PAK1: variants seen among roughly 807,000 people sequenced by gnomAD.
PAK1 encodes p21 (RAC1) activated kinase 1.
Under a neutral mutation model 67.4 loss-of-function variants are expected in PAK1, and 29 were observed. The ratio of observed to expected loss-of-function variants is 0.43; its 90% confidence interval spans 0.32 to 0.59. The LOEUF is 0.59. PAK1 is among the 20% of genes least tolerant of loss of function. The pLI is 0.07. For missense variants in PAK1, 337 were observed against 670.7 expected, an observed-to-expected ratio of 0.50 and a Z score of 5.50; for synonymous variants, 223 against 237.4, an observed-to-expected ratio of 0.94 and a Z score of 0.56.
intron 11 of PAK1, 86 bp downstream of exon 11, chr11:77,340,560 G>A: frequency 3.9e-6 from 3 of 765,852 alleles, no homozygotes; most frequent in South Asian, 1.4e-5. Flanking sequence ...CAGAGCCCAG[G>A]CTGAGATCTC....
At chr11:77,337,683 GTAAT>G (rs998161448) in intron 11 of PAK1, among the ~76,000 whole-genome samples, 1 of 152,022 alleles carries the variant, frequency 6.6e-6, no homozygotes, top group Non-Finnish European at 1.5e-5. Context: ...TTCCTCCAAT[GTAAT>G]TTTTTTTCTA....
Position 77,335,129 on chromosome 11 carries a change from T to C in PAK1, c.1413+957A>G, listed in dbSNP as rs189493231. Among the ~76,000 whole-genome samples, 14 of 152,336 alleles carry C rather than the reference T, an allele frequency of 9.2e-5. No individual in the cohort carries two copies. The East Asian group carries it at 2.7e-3, about 29-fold the overall frequency. On this transcript the variant is annotated intron_variant, in intron 13 of 14. Coordinates refer to ENST00000356341, the MANE Select transcript of PAK1 (RefSeq NM_002576.5). ...TAGAAAGGCCACTCCTTGGTCTACT[T>C]TGCTAGTTCTTCCAACCTGTAAACA...
Position 77,449,531 on chromosome 11 carries a change from G to A in PAK1, c.-22+24021C>T, listed in dbSNP as rs541660987. 2.6e-5 allele frequency among the ~76,000 whole-genome samples: 4 copies of A among 152,140 alleles called. No individual in the cohort carries two copies. The South Asian group carries it at 8.3e-4, about 32-fold the overall frequency. On this transcript the variant is annotated intron_variant, in intron 1 of 14. Coordinates refer to ENST00000356341, the MANE Select transcript of PAK1 (RefSeq NM_002576.5). ...CTTAACATAAAACGTTAGAGTTCAGGCAGACTCTTTTATCATCTCACTTTT... is the reference window on the plus strand; with the variant it reads ...CTTAACATAAAACGTTAGAGTTCAGACAGACTCTTTTATCATCTCACTTTT...
chr11:77,337,758 A>G (rs1271298797), intron 11 of PAK1, among the ~76,000 whole-genome samples: 1 of 152,164 alleles, frequency 6.6e-6, no homozygotes, highest in Non-Finnish European at 1.5e-5. Flanking sequence ...AATGGAAAGG[A>G]TCTTATAATG....
chr11:77,368,242 C>A (rs1947879356), intron 5 of PAK1, among the ~76,000 whole-genome samples: 1 of 152,156 alleles, frequency 6.6e-6, no homozygotes, highest in African/African-American at 2.4e-5. Flanking sequence ...AGATTGGTCA[C>A]ATACAGAGAA....
At chr11:77,374,398 A>G (rs746678844) in intron 4 of PAK1, 33 bp from the exon 5 acceptor site, 3 of 1,508,050 alleles carry the variant, frequency 2.0e-6, no homozygotes, top group East Asian at 2.3e-5. Flanking sequence ...GACTTAGTCA[A>G]TAACAGTTAC....
chr11:77,431,380 C>T (rs375501363), intron 1 of PAK1, among the ~76,000 whole-genome samples: 3 of 152,032 alleles, frequency 2.0e-5, no homozygotes, highest in East Asian at 1.9e-4. Context: ...TCTAAGGAAC[C>T]GAAGTATGAA....
At chr11:77,505,494 A>G in the PAK1 span, among the ~76,000 whole-genome samples, 1 of 152,292 alleles carries the variant, frequency 6.6e-6, no homozygotes, top group African/African-American at 2.4e-5. Flanking sequence ...GGCCATTGCT[A>G]CTATTTATTT....
At chr11:77,348,210 T>G (rs763707494) in intron 9 of PAK1, among the ~76,000 whole-genome samples, 2 of 152,164 alleles carry the variant, frequency 1.3e-5, no homozygotes, top group Non-Finnish European at 2.9e-5. Flanking sequence ...CCCAACTCTA[T>G]TTTCATTGGA....
chr11:77,363,768 T>C (rs1380558967), intron 5 of PAK1, among the ~76,000 whole-genome samples: 1 of 152,142 alleles, frequency 6.6e-6, no homozygotes. Flanking sequence ...CTGGACAAAA[T>C]TGACAAAAAC....
the PAK1 span, among the ~76,000 whole-genome samples, chr11:77,487,306 G>A: frequency 6.6e-6 from 1 of 152,184 alleles, no homozygotes; most frequent in Non-Finnish European, 1.5e-5. Context: ...AGCAGGGATA[G>A]CCAGGTGGTA....
intron 2 of PAK1, among the ~76,000 whole-genome samples, chr11:77,388,510 C>T (rs892137427): frequency 3.3e-5 from 5 of 152,194 alleles, no homozygotes; most frequent in African/African-American, 4.8e-5. Flanking sequence ...CCCGCCACCA[C>T]GCCCGGCTTA....
At chr11:77,480,303 T>G in the PAK1 span, among the ~76,000 whole-genome samples, 5 of 152,058 alleles carry the variant, frequency 3.3e-5, no homozygotes, top group Admixed American at 6.6e-5. Context: ...TTAAAAAAAG[T>G]ATACTTTAAT....
intron 1 of PAK1, among the ~76,000 whole-genome samples, chr11:77,452,179 T>G (rs1025473929): frequency 1.3e-5 from 2 of 152,210 alleles, no homozygotes; most frequent in East Asian, 3.8e-4. Context: ...CATCTCACAT[T>G]TCATTCTAAT....
At position 77,336,199 on chromosome 11, in the gene PAK1, C is replaced by T. The variant is rs757273330; in HGVS notation, c.1300G>A (p.Glu434Lys). Residue 434 changes from glutamate to lysine, a missense_variant, in exon 13 of 15, where the codon GAG becomes AAG. Coordinates refer to ENST00000356341, the MANE Select transcript of PAK1 (RefSeq NM_002576.5). ...CCATAGGCCTTTCGTGTCACAACCT[C>T]TGGTGCCATCCAGTATGGGGTTCCT... is the stretch of plus-strand genomic sequence containing the variant. Reference protein sequence around the residue: ...MVGTPYWMAPEVVTRKAYGPK... With the variant: ...MVGTPYWMAPKVVTRKAYGPK... The T allele has an allele frequency of 6.2e-7, 1 of 1,614,070 alleles. No individual in the cohort carries two copies. Among genetic ancestry groups the T allele is most frequent in the East Asian group, 2.2e-5 (1 of 44,890 alleles).
chr11:77,414,175 T>G (rs2853086), intron 1 of PAK1, among the ~76,000 whole-genome samples: 37,417 of 152,248 alleles, frequency 0.25, 5,704 homozygotes, highest in South Asian at 0.45. Context: ...TAATTTATTA[T>G]GCCCCTCCAC....
At chr11:77,525,461 C>T in the PAK1 span, among the ~76,000 whole-genome samples, 46 of 152,268 alleles carry the variant, frequency 3.0e-4, no homozygotes, top group South Asian at 4.1e-3. Flanking sequence ...TCTATGTGCC[C>T]ATATTATGGA....
intron 5 of PAK1, 66 bp downstream of exon 5, chr11:77,374,261 CT>C (rs1948809785): frequency 3.7e-6 from 4 of 1,068,240 alleles, no homozygotes; most frequent in Non-Finnish European, 5.8e-6. Flanking sequence ...GGCTCTGCCT[CT>C]ACCACACTGT....
At position 77,416,041 on chromosome 11, in the gene PAK1, T is replaced by C. The variant is rs1954934369; in HGVS notation, c.-21-23500A>G. ...TCACCCAGGCAGGAGTGCAGTGGCA[T>C]GATCTCAGCTCACTGCAACCTCCAC... On this transcript the variant is annotated intron_variant, in intron 1 of 14. Coordinates refer to ENST00000356341, the MANE Select transcript of PAK1 (RefSeq NM_002576.5). 2.0e-5 allele frequency among the ~76,000 whole-genome samples: 3 copies of C among 151,060 alleles called. No homozygotes were observed. In the South Asian group the frequency reaches 6.3e-4, roughly 31 times the overall value.
Sources: gnomAD v4.1 joint callset for allele counts (sites outside exome capture counted in the v4.1 genomes callset) on GRCh38, gnomAD v4.1.1 for gene constraint, MANE v1.5 for transcripts, NCBI Gene and HGNC (gene_info 2026-07-23, HGNC 2026-07-21) for gene names.